BCKDHB: variants seen among roughly 807,000 people sequenced by gnomAD.
BCKDHB encodes the protein 2-oxoisovalerate dehydrogenase subunit beta, mitochondrial.
In BCKDHB, 41 loss-of-function variants were observed where a neutral mutation model predicts 48.5. The observed-to-expected ratio is 0.85, with a 90% CI of 0.66 to 1.10. The LOEUF is 1.10. Among genes scored for constraint, BCKDHB ranks in the 50% least tolerant of loss-of-function variants. The probability of loss-of-function intolerance (pLI) is 0.00; values close to 1 mark genes in which losing one functional copy is unlikely to be tolerated. For missense variants in BCKDHB, 496 were observed against 494.2 expected, an observed-to-expected ratio of 1.00 and a Z score of -0.03; for synonymous variants, 201 against 174.8, an observed-to-expected ratio of 1.15 and a Z score of -1.18.
chr6:80,109,920 A>T (rs769496808), intron 1 of BCKDHB, among the ~76,000 whole-genome samples: 28 of 152,194 alleles, frequency 1.8e-4, no homozygotes, highest in Non-Finnish European at 3.7e-4. Flanking sequence ...CAGAGTTTGA[A>T]TCCTGATGTG....
intron 8 of BCKDHB, among the ~76,000 whole-genome samples, chr6:80,241,370 C>G (rs1428835703): frequency 1.3e-5 from 2 of 152,198 alleles, no homozygotes; most frequent in East Asian, 3.9e-4. Context: ...GCTCTGGTTT[C>G]TCCCCATCTT....
rs181859711 is a variant in BCKDHB, at chr6:80,107,853, A to T, written c.196+964A>T. Among the ~76,000 whole-genome samples, 5 of 152,246 alleles carry T rather than the reference A, an allele frequency of 3.3e-5. No individual in the cohort carries two copies. The East Asian group carries it at 9.7e-4, about 29-fold the overall frequency. ...CTGCAAGTTTCATGTAATGTCTCTCATCAGAATATCAGATCCAGTGTCTCT... is the reference window on the plus strand; with the variant it reads ...CTGCAAGTTTCATGTAATGTCTCTCTTCAGAATATCAGATCCAGTGTCTCT... On this transcript the variant is annotated intron_variant, in intron 1 of 9. Transcript: ENST00000320393.
chr6:80,121,003 A>G (rs1433504428), intron 1 of BCKDHB, among the ~76,000 whole-genome samples: 1 of 152,150 alleles, frequency 6.6e-6, no homozygotes, highest in East Asian at 1.9e-4. Context: ...TAGGTCTAAC[A>G]TTTAAGTCTT....
chr6:80,139,104 C>T (rs1226496645), intron 3 of BCKDHB, among the ~76,000 whole-genome samples: 151 of 152,012 alleles, frequency 9.9e-4, no homozygotes, highest in African/African-American at 3.3e-3. Flanking sequence ...ATGTCTTCTT[C>T]TGAGAAGTGT....
At chr6:80,313,041 G>T (rs770197142) in intron 9 of BCKDHB, among the ~76,000 whole-genome samples, 18 of 152,126 alleles carry the variant, frequency 1.2e-4, no homozygotes, top group Non-Finnish European at 2.4e-4. Context: ...GAAATCAGCT[G>T]TGAATCCATC....
At chr6:80,237,686 C>G (rs149340668) in intron 8 of BCKDHB, among the ~76,000 whole-genome samples, 2 of 152,258 alleles carry the variant, frequency 1.3e-5, no homozygotes, top group African/African-American at 4.8e-5. Flanking sequence ...TTGGCATGGC[C>G]AGAGCTTGAA....
At chr6:80,138,539 T>C (rs559588529) in intron 3 of BCKDHB, among the ~76,000 whole-genome samples, 2 of 151,826 alleles carry the variant, frequency 1.3e-5, no homozygotes, top group African/African-American at 4.8e-5. Context: ...TGAGAATATG[T>C]GGTGTTTGGT....
At chr6:80,325,311 A>G (rs143830226) in intron 9 of BCKDHB, among the ~76,000 whole-genome samples, 1,916 of 152,316 alleles carry the variant, frequency 0.013, 39 homozygotes, top group African/African-American at 0.043. Context: ...TAGGACTTCT[A>G]TAATTACATT....
At chr6:80,323,804 G>A (rs576290308) in intron 9 of BCKDHB, among the ~76,000 whole-genome samples, 7 of 152,228 alleles carry the variant, frequency 4.6e-5, no homozygotes, top group Admixed American at 2.6e-4. Flanking sequence ...ACGGAATCTC[G>A]CTCTGTTGCC....
chr6:80,442,828 A>C, the BCKDHB span, among the ~76,000 whole-genome samples: 1 of 152,174 alleles, frequency 6.6e-6, no homozygotes, highest in Non-Finnish European at 1.5e-5. Flanking sequence ...AGATCAATTG[A>C]GTGGTAGATC....
At chr6:80,358,585 C>A in the BCKDHB span, among the ~76,000 whole-genome samples, 1 of 152,138 alleles carries the variant, frequency 6.6e-6, no homozygotes, top group Non-Finnish European at 1.5e-5. Context: ...CATGGATAAA[C>A]CTCCAAAACA....
Position 80,343,652 on chromosome 6 carries a change from CTCTG to C in BCKDHB, c.1039-7_1039-4del, listed in dbSNP as rs1562242135. The C allele has an allele frequency of 1.9e-6, 3 of 1,613,908 alleles. No individual in the cohort carries two copies. The highest frequency in any genetic ancestry group is 2.5e-6 in the Non-Finnish European group (3 of 1,179,912). Reference sequence around the variant, plus strand: ...AAATTCTTGAAGTTAAGCATCCTGACTCTGTCTGCAGGAGGAATGTTTCTTGAAC... The same window carrying C: ...AAATTCTTGAAGTTAAGCATCCTGACTCTGCAGGAGGAATGTTTCTTGAAC... On this transcript the variant is annotated splice_polypyrimidine_tract_variant and splice_region_variant and intron_variant, in intron 9 of 9. Transcript: ENST00000320393.
At chr6:80,222,362 T>A (rs1173820598) in intron 8 of BCKDHB, among the ~76,000 whole-genome samples, 1 of 152,190 alleles carries the variant, frequency 6.6e-6, no homozygotes, top group Non-Finnish European at 1.5e-5. Context: ...CAGCTATGAA[T>A]CTTCAACTCT....
chr6:80,213,699 A>G (rs528621196), intron 8 of BCKDHB, among the ~76,000 whole-genome samples: 29 of 151,640 alleles, frequency 1.9e-4, no homozygotes, highest in African/African-American at 7.0e-4. Context: ...ACAAAATTAG[A>G]AAATGATAGA....
chr6:80,126,190 G>T lies in BCKDHB; in HGVS notation c.197-1357G>T, dbSNP rs143049840. ...ATTGTGGGCACAGAGGGCAGAGGAC[G>T]TATCTGACTGGGGATTGCCAAGACC... On this transcript the variant is annotated intron_variant, in intron 1 of 9. Transcript: ENST00000320393. Among the ~76,000 whole-genome samples, 3 of 152,190 alleles carry T rather than the reference G, an allele frequency of 2.0e-5. No homozygotes were observed. In the South Asian group the frequency reaches 6.2e-4, roughly 32 times the overall value.
chr6:80,300,651 T>G (rs1463661675), intron 9 of BCKDHB, among the ~76,000 whole-genome samples: 1 of 152,174 alleles, frequency 6.6e-6, no homozygotes. Context: ...TGTGACCAAC[T>G]GGACCAAATG....
chr6:80,354,041 T>C, the BCKDHB span, among the ~76,000 whole-genome samples: 1 of 152,150 alleles, frequency 6.6e-6, no homozygotes, highest in Non-Finnish European at 1.5e-5. Context: ...GATTATTTTT[T>C]GTATTTGTTG....
At position 80,126,735 on chromosome 6, in the gene BCKDHB, G is replaced by A. The variant is rs139283766; in HGVS notation, c.197-812G>A. ...ACTGTGGGCATTGGGCAGCACCTGA[G>A]CTTGAATCGAAGCTCTAATGTCATG... On this transcript the variant is annotated intron_variant, in intron 1 of 9. Coordinates refer to ENST00000320393, the MANE Select transcript of BCKDHB (RefSeq NM_183050.4). Among the ~76,000 whole-genome samples, 189 of 152,230 alleles carry A rather than the reference G, an allele frequency of 1.2e-3. 2 individuals are homozygous for A. Among genetic ancestry groups the A allele is most frequent in the Non-Finnish European group, 2.3e-3 (155 of 68,024 alleles).
intron 1 of BCKDHB, among the ~76,000 whole-genome samples, chr6:80,126,848 A>G (rs544445007): frequency 3.5e-4 from 53 of 152,290 alleles, no homozygotes; most frequent in South Asian, 2.1e-4. Context: ...ATAGAAGGAC[A>G]TGGACAGAGT....
Sources: gnomAD v4.1 joint callset for allele counts (sites outside exome capture counted in the v4.1 genomes callset) on GRCh38, gnomAD v4.1.1 for gene constraint, MANE v1.5 for transcripts, NCBI Gene and HGNC (gene_info 2026-07-23, HGNC 2026-07-21) for gene names.